The following ADPRH variants were observed in gnomAD, a reference collection of about 807,000 sequenced individuals.
The protein encoded by ADPRH is ADP-ribose-L-arginine cleaving enzyme.
Under a neutral mutation model 28.8 loss-of-function variants are expected in ADPRH, and 27 were observed. That is an observed-to-expected ratio of 0.94 (90% confidence interval 0.69 to 1.29). The LOEUF (loss-of-function observed/expected upper bound fraction) is 1.29. ADPRH is among the 50% of genes most tolerant of loss of function. ADPRH has a pLI of 0.00. For synonymous variants in ADPRH, 161 were observed against 166.9 expected (o/e 0.96, Z 0.27); for missense variants, 419 against 444.8 (o/e 0.94, Z 0.52).
At chr3:119,583,835 T>A (rs1057155434) in intron 3 of ADPRH, among the ~76,000 whole-genome samples, 1 of 152,060 alleles carries the variant, frequency 6.6e-6, no homozygotes, top group Non-Finnish European at 1.5e-5. Context: ...TGGAGTGCAG[T>A]GGCACGATCT....
rs1343335438 is a variant in ADPRH at position 119,582,190 on chromosome 3, T to A, written c.21T>A (p.Ala7=). MEKYVA[A]MVLSAAGDAL... is the part of the protein sequence containing the mutation. Reference sequence around the variant, plus strand: ...GACTGATGGAGAAGTATGTGGCTGCTATGGTGCTGAGTGCAGCTGGAGATG... The same window carrying A: ...GACTGATGGAGAAGTATGTGGCTGCAATGGTGCTGAGTGCAGCTGGAGATG... Residue 7 remains alanine, a synonymous_variant, in exon 3 of 5, where the codon GCT becomes GCA. Coordinates refer to ENST00000357003, the MANE Select transcript of ADPRH (RefSeq NM_001125.4). The A allele has an allele frequency of 2.5e-6, 4 of 1,609,320 alleles. No individual in the cohort carries two copies. The highest frequency in any genetic ancestry group is 3.4e-6 in the Non-Finnish European group (4 of 1,176,356).
intron 3 of ADPRH, among the ~76,000 whole-genome samples, chr3:119,586,000 A>G (rs1180217234): frequency 6.6e-6 from 1 of 152,236 alleles, no homozygotes; most frequent in Non-Finnish European, 1.5e-5. Context: ...AGAGAACAAT[A>G]TACTTACTTC....
chr3:119,586,276 C>G lies in ADPRH; in HGVS notation c.299-9C>G. 6.2e-7 allele frequency: 1 copy of G among 1,612,650 alleles called. No homozygotes were observed. Among genetic ancestry groups the G allele is most frequent in the Non-Finnish European group, 8.5e-7 (1 of 1,179,986 alleles). On this transcript the variant is annotated splice_polypyrimidine_tract_variant and intron_variant, in intron 3 of 4. Transcript: ENST00000357003. Reference sequence around the variant, plus strand: ...GCTAACCCCCATCCCTTATCCGACTCTTCCCCAGGTGGTGCCTCGGTGCAC... The same window carrying G: ...GCTAACCCCCATCCCTTATCCGACTGTTCCCCAGGTGGTGCCTCGGTGCAC...
chr3:119,579,954 G>A (rs2082391330), intron 1 of ADPRH, 103 bp downstream of exon 1: 3 of 152,360 alleles, frequency 2.0e-5, no homozygotes, highest in African/African-American at 7.2e-5. Flanking sequence ...AATCGTGGGA[G>A]CGTGTCAACC....
chr3:119,583,006 T>A (rs1049234017), intron 3 of ADPRH, among the ~76,000 whole-genome samples: 1 of 152,072 alleles, frequency 6.6e-6, no homozygotes, highest in Admixed American at 6.5e-5. Flanking sequence ...CATGGAAAAA[T>A]TATCTTCTGT....
At position 119,587,914 on chromosome 3, in the gene ADPRH, T is replaced by C. The variant is rs1232191235; in HGVS notation, c.*36T>C. On this transcript the variant is annotated 3_prime_UTR_variant, in exon 5 of 5. Coordinates refer to ENST00000357003, the MANE Select transcript of ADPRH (RefSeq NM_001125.4). The stretch of plus-strand genomic sequence containing the variant: ...TGTTCACTTCTGATGGATTCTTCTT[T>C]TGTGTATTTCCTTTTCTGCTATTTC... 25 of 1,525,566 alleles carry C rather than the reference T, an allele frequency of 1.6e-5. No homozygotes were observed. Among genetic ancestry groups the C allele is most frequent in the Non-Finnish European group, 2.2e-5 (25 of 1,139,402 alleles). The allele number at this position is 1,525,566 out of a possible 1,614,324, so 94.5% of individuals were successfully genotyped here.
Position 119,588,289 on chromosome 3 carries a change from G to A in ADPRH, c.*411G>A, listed in dbSNP as rs539257843. ...TCCAGGAAATACCGATATGAGAATGGGGAAATGAAACCAGGAAGGGAAGAG... is the reference window on the plus strand; with the variant it reads ...TCCAGGAAATACCGATATGAGAATGAGGAAATGAAACCAGGAAGGGAAGAG... On this transcript the variant is annotated 3_prime_UTR_variant, in exon 5 of 5. Transcript: ENST00000357003. The A allele has an allele frequency of 6.4e-6, 1 of 155,526 alleles. No homozygotes were observed. Among genetic ancestry groups the A allele is most frequent in the Non-Finnish European group, 1.4e-5 (1 of 70,600 alleles). 9.6% of individuals were successfully genotyped at this position (155,526 alleles called of 1,614,324 possible).
intron 3 of ADPRH, 124 bp downstream of exon 3, chr3:119,582,591 A>G (rs956095973): frequency 2.1e-5 from 24 of 1,158,870 alleles, no homozygotes; most frequent in Non-Finnish European, 1.9e-5. Flanking sequence ...TGATAAAAAT[A>G]GAAATAACGG....
rs1435373335 is a variant in ADPRH, at chr3:119,588,530, C to G, written c.*652C>G. ...ATTCTTGGCTTACCCTTTGTACAAACCAAACCTTAGTGTCTTCAGGTAAAG... is the reference window on the plus strand; with the variant it reads ...ATTCTTGGCTTACCCTTTGTACAAAGCAAACCTTAGTGTCTTCAGGTAAAG... On this transcript the variant is annotated 3_prime_UTR_variant, in exon 5 of 5. Coordinates refer to ENST00000357003, the MANE Select transcript of ADPRH (RefSeq NM_001125.4). 1 of 152,234 alleles carries G rather than the reference C, an allele frequency of 6.6e-6. No homozygotes were observed. Among genetic ancestry groups the G allele is most frequent in the African/African-American group, 2.4e-5 (1 of 41,456 alleles). 9.4% of individuals were successfully genotyped at this position (152,234 alleles called of 1,614,324 possible).
At chr3:119,586,104 G>A (rs902596773) in intron 3 of ADPRH, among the ~76,000 whole-genome samples, 181 bp from the exon 4 acceptor site, 1 of 152,172 alleles carries the variant, frequency 6.6e-6, no homozygotes, top group South Asian at 2.1e-4. Flanking sequence ...CTTGCCAAGG[G>A]TTATACATAA....
At chr3:119,587,085 A>T (rs1577126308) in intron 4 of ADPRH, among the ~76,000 whole-genome samples, 1 of 152,240 alleles carries the variant, frequency 6.6e-6, no homozygotes, top group African/African-American at 2.4e-5. Context: ...TTCACTTCAC[A>T]TTGTCTTTCT....
At chr3:119,585,000 A>C (rs2082445042) in intron 3 of ADPRH, among the ~76,000 whole-genome samples, 1 of 152,184 alleles carries the variant, frequency 6.6e-6, no homozygotes, top group African/African-American at 2.4e-5. Context: ...ATTTTAGCTT[A>C]ACCACCTCTT....
chr3:119,584,517 C>G (rs570068513), intron 3 of ADPRH, among the ~76,000 whole-genome samples: 22 of 152,192 alleles, frequency 1.4e-4, no homozygotes, highest in African/African-American at 4.8e-4. Context: ...GAGCCAAGAT[C>G]GCGCCATTGG....
rs1317410209 is a variant in ADPRH at position 119,587,625 on chromosome 3, C to G, written c.821C>G (p.Ala274Gly). The G allele has an allele frequency of 6.2e-7, 1 of 1,614,158 alleles. No individual in the cohort carries two copies. The highest frequency in any genetic ancestry group is 1.1e-5 in the South Asian group (1 of 91,070). The stretch of plus-strand genomic sequence containing the variant: ...TGGGGTGGCAGCAGTGGGCACGATG[C>G]CCCCATGATTGCCTACGATGCTGTT... The part of the protein sequence containing the change: ...SGWGGSSGHD[A>G]PMIAYDAVLA... The change falls in exon 5 of 5, where the codon GCC (alanine) becomes GGC (glycine). Residue 274 changes from alanine (A) to glycine (G), a missense_variant. By Grantham distance (60) the Ala-to-Gly change is moderately conservative (BLOSUM62 0). Transcript: ENST00000357003.
intron 3 of ADPRH, among the ~76,000 whole-genome samples, chr3:119,583,783 T>A (rs565831914): frequency 2.2e-3 from 321 of 147,168 alleles, no homozygotes; most frequent in African/African-American, 7.6e-3. Context: ...TAAAAAAAAA[T>A]TTTTTTTTTT....
chr3:119,581,627 A>G (rs971340787), intron 2 of ADPRH, among the ~76,000 whole-genome samples: 4 of 152,206 alleles, frequency 2.6e-5, no homozygotes, highest in African/African-American at 7.2e-5. Context: ...TGTGAAATGC[A>G]TACTGTAATC....
At chr3:119,581,360 G>A (rs760329108) in intron 2 of ADPRH, among the ~76,000 whole-genome samples, 12 of 152,158 alleles carry the variant, frequency 7.9e-5, no homozygotes, top group Non-Finnish European at 1.3e-4. Flanking sequence ...GAGCCACCGC[G>A]TCCAGCCAAC....
rs761416122 is a variant in ADPRH, at chr3:119,587,505, G to A, written c.701G>A (p.Arg234Lys). 1.0e-5 allele frequency: 16 copies of A among 1,581,710 alleles called. No individual in the cohort carries two copies. The highest frequency in any genetic ancestry group is 1.4e-5 in the Non-Finnish European group (16 of 1,163,098). ...AAATGGGAAAATTACCTAAAACTTA[G>A]AGGGATTTTGGATGGAGAATCAGCC... ...QTKWENYLKL[R>K]GILDGESAPT... Residue 234 changes from arginine (R) to lysine (K), a missense_variant, in exon 5 of 5, where the codon AGA becomes AAA. Arg to Lys is a conservative substitution (Grantham distance 26, BLOSUM62 2). Coordinates refer to ENST00000357003, the MANE Select transcript of ADPRH (RefSeq NM_001125.4).
rs1428722850 is a variant in ADPRH, at chr3:119,582,247, C to T, written c.78C>T (p.Phe26=). 3.7e-6 allele frequency: 6 copies of T among 1,614,054 alleles called. No individual in the cohort carries two copies. The highest frequency in any genetic ancestry group is 1.3e-5 in the African/African-American group (1 of 74,922). Residue 26 remains phenylalanine, a synonymous_variant, in exon 3 of 5, where the codon TTC becomes TTT. Transcript: ENST00000357003. Reference sequence around the variant, plus strand: ...GGTACTACAATGGGAAGTGGGAGTTCCTCCAGGATGGGGAGAAGATACACC... The same window carrying T: ...GGTACTACAATGGGAAGTGGGAGTTTCTCCAGGATGGGGAGAAGATACACC... The part of the protein sequence containing the change: ...ALGYYNGKWE[F]LQDGEKIHRQ...
Sources: gnomAD v4.1 joint callset for allele counts (sites outside exome capture counted in the v4.1 genomes callset) on GRCh38, gnomAD v4.1.1 for gene constraint, MANE v1.5 for transcripts, NCBI Gene and HGNC (gene_info 2026-07-23, HGNC 2026-07-21) for gene names.